Variants in NBAS observed in about 807,000 individuals in gnomAD.
The protein encoded by NBAS is NBAS subunit of NRZ tethering complex.
NBAS carries 219 observed loss-of-function variants against 302.5 expected under a neutral mutation model. The ratio of observed to expected loss-of-function variants is 0.72; its 90% CI spans 0.65 to 0.81. The LOEUF (loss-of-function observed/expected upper bound fraction) is 0.81, where lower values mean the gene tolerates loss of function less well. Ranked by LOEUF, NBAS falls within the 30% of genes least tolerant of loss-of-function variation. NBAS has a pLI of 0.00. For missense variants in NBAS, 2,932 were observed against 2,841.6 expected, an observed-to-expected ratio of 1.03 and a Z score of -0.72; for synonymous variants, 1,118 against 1,021.6, an observed-to-expected ratio of 1.09 and a Z score of -1.80.
Position 15,461,697 on chromosome 2 carries a change from G to A in NBAS, c.2192C>T (p.Thr731Ile), listed in dbSNP as rs752084426. Residue 731 changes from threonine (T) to isoleucine (I), a missense_variant, in exon 20 of 52, where the codon ACT becomes ATT. Transcript: ENST00000281513. Reference sequence around the variant, plus strand: ...CAAAAAGCAAATTACCTGAGCATAAGTTCTTGCTGAGAGAACAATATTCTG... The same window carrying A: ...CAAAAAGCAAATTACCTGAGCATAAATTCTTGCTGAGAGAACAATATTCTG... ...RNQNIVLSARTYAQESNVQAL... is the reference protein window; with the variant it reads ...RNQNIVLSARIYAQESNVQAL... 2 of 1,582,194 alleles carry A rather than the reference G, an allele frequency of 1.3e-6. No homozygotes were observed. Among genetic ancestry groups the A allele is most frequent in the African/African-American group, 2.7e-5 (2 of 74,102 alleles).
intron 38 of NBAS, among the ~76,000 whole-genome samples, chr2:15,310,677 C>G (rs182130851): frequency 2.2e-4 from 34 of 152,300 alleles, no homozygotes; most frequent in African/African-American, 8.2e-4. Flanking sequence ...AATCTCAACA[C>G]TTGTCTACCC....
At chr2:14,795,570 T>G in the NBAS span, among the ~76,000 whole-genome samples, 1 of 152,296 alleles carries the variant, frequency 6.6e-6, no homozygotes, top group African/African-American at 2.4e-5. Context: ...CTTAAGTTTC[T>G]TTCAAATGAG....
the NBAS span, among the ~76,000 whole-genome samples, chr2:15,025,431 T>C: frequency 6.6e-6 from 1 of 152,232 alleles, no homozygotes; most frequent in Admixed American, 6.5e-5. Context: ...TTGCTTAGGA[T>C]TGCTTTAGCT....
Position 15,536,474 on chromosome 2 carries a change from C to T in NBAS, c.591G>A (p.Trp197Ter). The T allele has an allele frequency of 1.2e-6, 2 of 1,613,584 alleles. No homozygotes were observed. Among genetic ancestry groups the T allele is most frequent in the Non-Finnish European group, 1.7e-6 (2 of 1,179,894 alleles). ...AATTGATGACCAGGAGTTCTGCAGA[C>T]CACTGTGCACTTGCTTTATATTCTA... ...IFLEYKASAQ[W>*]SAELLVINYR... Residue 197 changes from tryptophan to a stop codon, truncating the protein, a stop_gained, in exon 8 of 52, where the codon TGG (tryptophan) becomes TGA (stop). Transcript: ENST00000281513. LOFTEE classifies it high-confidence loss of function.
intron 10 of NBAS, among the ~76,000 whole-genome samples, chr2:15,509,910 C>T (rs1345158265): frequency 6.6e-6 from 1 of 152,024 alleles, no homozygotes; most frequent in Non-Finnish European, 1.5e-5. Flanking sequence ...AGTGCAGTGG[C>T]ACAATCTCGG....
rs763205410 is a variant in NBAS at position 15,397,404 on chromosome 2, A to T, written c.3072-929T>A. 8.2e-4 allele frequency: 270 copies of T among 330,648 alleles called. 2 individuals carry two copies. The highest frequency in any genetic ancestry group is 1.3e-3 in the Non-Finnish European group (238 of 179,430). 20.5% of individuals were successfully genotyped at this position (330,648 alleles called of 1,614,324 possible). A position where few individuals can be genotyped will look rare whatever the true frequency, so the allele number is the denominator to read the frequency against. On this transcript the variant is annotated intron_variant, in intron 26 of 51. Transcript: ENST00000281513. Reference sequence around the variant, plus strand: ...CCATTGTATTTTTCTCCAGAGAATAATCTGTCTGCATTATTTAAGGACTTA... The same window carrying T: ...CCATTGTATTTTTCTCCAGAGAATATTCTGTCTGCATTATTTAAGGACTTA...
intron 6 of NBAS, among the ~76,000 whole-genome samples, chr2:15,548,964 C>T (rs1411288051): frequency 1.3e-5 from 2 of 152,098 alleles, no homozygotes; most frequent in Non-Finnish European, 2.9e-5. Flanking sequence ...TGCGAAAAGT[C>T]TTTTATCGTA....
chr2:15,480,341 TA>T, intron 12 of NBAS, among the ~76,000 whole-genome samples: 1 of 139,802 alleles, frequency 7.2e-6, no homozygotes, highest in East Asian at 2.1e-4. Context: ...ACTCTATCTC[TA>T]AAAAAATGAA....
intron 37 of NBAS, 123 bp downstream of exon 37, chr2:15,328,076 A>G: frequency 1.7e-6 from 2 of 1,198,064 alleles, no homozygotes; most frequent in South Asian, 2.7e-5. Flanking sequence ...TGTAAAAACC[A>G]ATGAATAACA....
intron 8 of NBAS, among the ~76,000 whole-genome samples, chr2:15,535,569 TAAA>T (rs1021776548): frequency 7.2e-6 from 1 of 139,592 alleles, no homozygotes; most frequent in Non-Finnish European, 1.5e-5. Context: ...TAAATAAAAA[TAAA>T]AAAATAAAAT....
the NBAS span, among the ~76,000 whole-genome samples, chr2:14,798,598 T>A: frequency 6.6e-6 from 1 of 152,248 alleles, no homozygotes; most frequent in African/African-American, 2.4e-5. Flanking sequence ...ACAGAAAGAG[T>A]TATGAATTAT....
intron 6 of NBAS, among the ~76,000 whole-genome samples, chr2:15,546,849 G>C (rs927789615): frequency 6.6e-6 from 1 of 152,232 alleles, no homozygotes; most frequent in Non-Finnish European, 1.5e-5. Flanking sequence ...TGATGAGGCT[G>C]CTGGAAGCCA....
chr2:15,076,034 T>C, the NBAS span, among the ~76,000 whole-genome samples: 1 of 152,202 alleles, frequency 6.6e-6, no homozygotes, highest in Non-Finnish European at 1.5e-5. Flanking sequence ...AACAATTATT[T>C]GAGGCAGAGT....
chr2:15,426,052 ACT>A (rs1242008146), intron 22 of NBAS, among the ~76,000 whole-genome samples: 4 of 151,996 alleles, frequency 2.6e-5, no homozygotes, highest in African/African-American at 9.7e-5. Flanking sequence ...CTCCTCTTCA[ACT>A]CTACACTATC....
the NBAS span, among the ~76,000 whole-genome samples, chr2:15,158,000 C>T: frequency 2.0e-4 from 30 of 152,288 alleles, no homozygotes; most frequent in Middle Eastern, 3.4e-3. Flanking sequence ...CCACTCTGCA[C>T]GCTAGGGGAG....
chr2:15,219,260 A>G (rs1666806459), intron 47 of NBAS, among the ~76,000 whole-genome samples: 1 of 150,738 alleles, frequency 6.6e-6, no homozygotes, highest in African/African-American at 2.4e-5. Context: ...AGTAAGGTTT[A>G]TTTCTGTTAA....
rs200928719 is a variant in NBAS at position 15,430,748 on chromosome 2, AT to A, written c.2340-2955del. ...TCTAGTCCCCAACCATTTTTCCACC[AT>A]TCCCCCTCCATGCATCAGGAGCCAC... On this transcript the variant is annotated intron_variant, in intron 21 of 51. Transcript: ENST00000281513. Among the ~76,000 whole-genome samples the A allele has an allele frequency of 6.7e-3, 1,023 of 152,164 alleles. 12 individuals carry two copies. The highest frequency in any genetic ancestry group is 0.022 in the African/African-American group (922 of 41,512).
the NBAS span, among the ~76,000 whole-genome samples, chr2:14,968,036 A>G: frequency 2.0e-5 from 3 of 152,108 alleles, no homozygotes; most frequent in Non-Finnish European, 4.4e-5. Flanking sequence ...GGACAAGCCA[A>G]TCTTCTTTCC....
intron 19 of NBAS, among the ~76,000 whole-genome samples, chr2:15,464,744 AAATTC>A (rs1197308013): frequency 1.3e-5 from 2 of 152,132 alleles, no homozygotes; most frequent in Non-Finnish European, 2.9e-5. Context: ...CCTCTGACAA[AAATTC>A]AATTCAACTA....
Sources: allele counts gnomAD v4.1 joint callset (sites outside exome capture counted in the v4.1 genomes callset), GRCh38; gene constraint gnomAD v4.1.1; transcripts MANE v1.5; gene names NCBI Gene and HGNC (gene_info 2026-07-23, HGNC 2026-07-21).